Variants in PSAT1 observed in about 807,000 individuals in gnomAD.
The protein encoded by PSAT1 is phosphoserine aminotransferase.
In PSAT1, 41 loss-of-function variants were observed where a neutral mutation model predicts 40.3. The ratio of observed to expected loss-of-function variants is 1.02; its 90% confidence interval spans 0.79 to 1.32. The LOEUF is 1.32. Among genes scored for constraint, PSAT1 ranks in the 40% most tolerant of loss-of-function variants. PSAT1 has a pLI of 0.00. For missense variants in PSAT1, 406 were observed against 455.8 expected (o/e 0.89, Z 0.99); for synonymous variants, 147 against 170.5 (o/e 0.86, Z 1.07).
chr9:78,312,714 T>A (rs1425037275), intron 6 of PSAT1, among the ~76,000 whole-genome samples: 1 of 151,812 alleles, frequency 6.6e-6, no homozygotes, highest in Admixed American at 6.6e-5. Context: ...ATAATAATAA[T>A]AAATAAATAA....
chr9:78,312,453 T>C (rs1229916625), intron 6 of PSAT1, among the ~76,000 whole-genome samples: 1 of 151,956 alleles, frequency 6.6e-6, no homozygotes, highest in Non-Finnish European at 1.5e-5. Context: ...CCCAGCACTT[T>C]GGGAGGTCGA....
intron 6 of PSAT1, among the ~76,000 whole-genome samples, chr9:78,309,475 G>T (rs1336678643): frequency 6.6e-6 from 1 of 152,194 alleles, no homozygotes; most frequent in African/African-American, 2.4e-5. Flanking sequence ...CGATTCTCCT[G>T]CCTCAGCCTC....
intron 7 of PSAT1, among the ~76,000 whole-genome samples, chr9:78,318,638 G>A (rs1433700787): frequency 6.6e-6 from 1 of 152,136 alleles, no homozygotes; most frequent in African/African-American, 2.4e-5. Flanking sequence ...TCTTCACATG[G>A]CCTTCTTTCT....
At chr9:78,319,987 CTCAT>C (rs34164682) in intron 7 of PSAT1, among the ~76,000 whole-genome samples, 65,231 of 150,652 alleles carry the variant, frequency 0.43, 16,663 homozygotes, top group Non-Finnish European at 0.58. Flanking sequence ...CACTCATTCA[CTCAT>C]TCATTCATTC....
At chr9:78,320,883 C>T (rs11137606) in intron 7 of PSAT1, among the ~76,000 whole-genome samples, 40,713 of 152,080 alleles carry the variant, frequency 0.27, 7,263 homozygotes, top group African/African-American at 0.5. Flanking sequence ...TAGCTCTATA[C>T]ATTTCTCAGG....
intron 7 of PSAT1, 105 bp from the exon 8 acceptor site, chr9:78,327,943 ATCT>A (rs1484104723): frequency 1.5e-5 from 19 of 1,228,184 alleles, no homozygotes; most frequent in African/African-American, 7.7e-5. Context: ...TTTTTAAAAA[ATCT>A]TCTGCTTGCA....
rs544725010 is a variant in PSAT1, at chr9:78,316,020, G to A, written c.741-1656G>A. On this transcript the variant is annotated intron_variant, in intron 6 of 8. Coordinates refer to ENST00000376588, the MANE Select transcript of PSAT1 (RefSeq NM_058179.4). ...CCAGACTCCCAGCTCAAGGGAGATG[G>A]TGTCTTCCCTGGGCGACCTCTCCTC... Among the ~76,000 whole-genome samples, 3 of 152,334 alleles carry A rather than the reference G, an allele frequency of 2.0e-5. No homozygotes were observed. The South Asian group carries it at 6.2e-4, about 32-fold the overall frequency.
intron 6 of PSAT1, among the ~76,000 whole-genome samples, chr9:78,312,716 A>G (rs987194360): frequency 6.6e-6 from 1 of 152,090 alleles, no homozygotes; most frequent in African/African-American, 2.4e-5. Context: ...AATAATAATA[A>G]ATAAATAAAA....
intron 5 of PSAT1, 97 bp downstream of exon 5, chr9:78,306,583 A>G (rs1263887980): frequency 6.1e-6 from 9 of 1,478,172 alleles, no homozygotes; most frequent in Non-Finnish European, 7.6e-6. Flanking sequence ...TGGGTGTTTG[A>G]GGCCTGCAGA....
In PSAT1 at chr9:78,329,048, G is replaced by A. The variant is rs1460752899; in HGVS notation, c.1075G>A (p.Ala359Thr). Residue 359 changes from alanine to threonine, a missense_variant, in exon 9 of 9, where the codon GCC becomes ACC. Coordinates refer to ENST00000376588, the MANE Select transcript of PSAT1 (RefSeq NM_058179.4). ...VTIEDVQKLAAFMKKFLEMHQ... is the reference protein window; with the variant it reads ...VTIEDVQKLATFMKKFLEMHQ... Reference sequence around the variant, plus strand: ...AATTGAAGACGTTCAGAAGCTGGCCGCCTTCATGAAAAAATTTTTGGAGAT... The same window carrying A: ...AATTGAAGACGTTCAGAAGCTGGCCACCTTCATGAAAAAATTTTTGGAGAT... 7 of 1,612,624 alleles carry A rather than the reference G, an allele frequency of 4.3e-6. No individual in the cohort carries two copies. The highest frequency in any genetic ancestry group is 2.7e-5 in the African/African-American group (2 of 74,858).
At chr9:78,305,657 C>T (rs1046782120) in intron 4 of PSAT1, among the ~76,000 whole-genome samples, 18 of 152,156 alleles carry the variant, frequency 1.2e-4, no homozygotes, top group Non-Finnish European at 1.3e-4. Context: ...TTCCCAGTAA[C>T]GGTCTCATGT....
chr9:78,325,435 T>C (rs1373705956), intron 7 of PSAT1, among the ~76,000 whole-genome samples: 2 of 152,210 alleles, frequency 1.3e-5, no homozygotes, highest in East Asian at 3.8e-4. Context: ...GCCCTGTAGG[T>C]CTTCCAGCCA....
chr9:78,306,260 T>G (rs928384171), intron 4 of PSAT1, 54 bp from the exon 5 acceptor site: 4 of 1,590,876 alleles, frequency 2.5e-6, no homozygotes, highest in Non-Finnish European at 2.6e-6. Flanking sequence ...CCCATCTATG[T>G]AAGGAAAGAG....
At chr9:78,301,286 A>G (rs1475144592) in intron 2 of PSAT1, among the ~76,000 whole-genome samples, 3 of 152,202 alleles carry the variant, frequency 2.0e-5, no homozygotes, top group Non-Finnish European at 4.4e-5. Context: ...CAGTGCCTCC[A>G]AACATTTATA....
At chr9:78,311,980 A>G (rs1828274775) in intron 6 of PSAT1, among the ~76,000 whole-genome samples, 2 of 152,020 alleles carry the variant, frequency 1.3e-5, no homozygotes, top group African/African-American at 4.8e-5. Flanking sequence ...CTGATGGGGT[A>G]CCTGGAGCCC....
intron 6 of PSAT1, among the ~76,000 whole-genome samples, chr9:78,313,792 G>T (rs1203287704): frequency 6.6e-6 from 1 of 152,022 alleles, no homozygotes; most frequent in Non-Finnish European, 1.5e-5. Context: ...CTACAGGCAA[G>T]TGCCACCATG....
Position 78,304,919 on chromosome 9 carries a change from C to A in PSAT1, c.376C>A (p.Pro126Thr), listed in dbSNP as rs1013336793. 1 of 1,612,490 alleles carries A rather than the reference C, an allele frequency of 6.2e-7. No individual in the cohort carries two copies. The highest frequency in any genetic ancestry group is 8.5e-7 in the Non-Finnish European group (1 of 1,180,028). The change falls in exon 4 of 9, where the codon CCT becomes ACT. Residue 126 changes from proline (P) to threonine (T), a missense_variant. Transcript: ENST00000376588. Reference sequence around the variant, plus strand: ...GTTTGGGACTATAAATATCGTTCACCCTAAACTTGGGAGTTATACAAGTAA... The same window carrying A: ...GTTTGGGACTATAAATATCGTTCACACTAAACTTGGGAGTTATACAAGTAA... ...KKFGTINIVH[P>T]KLGSYTKIPD...
intron 7 of PSAT1, among the ~76,000 whole-genome samples, chr9:78,326,955 A>ATATATATTTT: frequency 1.3e-5 from 1 of 75,966 alleles, no homozygotes; most frequent in African/African-American, 9.5e-5. Context: ...ATATATATAT[A>ATATATATTTT]TTTTTTTTTT....
intron 6 of PSAT1, among the ~76,000 whole-genome samples, chr9:78,311,967 AG>A (rs1369191953): frequency 6.6e-6 from 1 of 152,140 alleles, no homozygotes; most frequent in African/African-American, 2.4e-5. Context: ...CCGTGATGTG[AG>A]GCTGATGGGG....
Sources: gnomAD v4.1 joint callset for allele counts (sites outside exome capture counted in the v4.1 genomes callset) on GRCh38, gnomAD v4.1.1 for gene constraint, MANE v1.5 for transcripts, NCBI Gene and HGNC (gene_info 2026-07-23, HGNC 2026-07-21) for gene names.